ADGRA2: variants seen among roughly 807,000 people sequenced by gnomAD.
ADGRA2 encodes the protein adhesion G protein-coupled receptor A2.
ADGRA2 carries 61 observed loss-of-function variants against 98.7 expected under a neutral mutation model. That is an observed-to-expected ratio of 0.62 (90% CI 0.50 to 0.76). The LOEUF (loss-of-function observed/expected upper bound fraction) is 0.76, where lower values mean the gene tolerates loss of function less well. Ranked by LOEUF, ADGRA2 falls within the 30% of genes least tolerant of loss-of-function variation. The pLI, the probability that ADGRA2 is intolerant of heterozygous loss-of-function variation, is 0.00. For missense variants in ADGRA2, 1,712 were observed against 1,860.0 expected, an observed-to-expected ratio of 0.92 and a Z score of 1.46; for synonymous variants, 858 against 831.5, an observed-to-expected ratio of 1.03 and a Z score of -0.55.
chr8:37,830,653 C>G lies in ADGRA2; in HGVS notation c.719-57C>G. 1 of 703,942 alleles carries G rather than the reference C, an allele frequency of 1.4e-6. No individual in the cohort carries two copies. 43.6% of individuals were successfully genotyped at this position (703,942 alleles called of 1,614,324 possible). A position where few individuals can be genotyped will look rare whatever the true frequency, so the allele number is the denominator to read the frequency against. On this transcript the variant is annotated intron_variant, in intron 6 of 18. Transcript: ENST00000412232. The surrounding 1 kb of genome is among the most constrained non-coding windows in gnomAD (Gnocchi z 4.8). ...CCATCCTGCTGGACTCTCGCTCACA[C>G]GTGCAGCCTCACATGCGTGTGCACT...
chr8:37,806,957 G>A (rs1360694169), intron 1 of ADGRA2, among the ~76,000 whole-genome samples: 1 of 152,200 alleles, frequency 6.6e-6, no homozygotes, highest in African/African-American at 2.4e-5. Flanking sequence ...TGTAGAGAGG[G>A]TAGGTTAGAG....
chr8:37,814,201 G>A lies in ADGRA2; in HGVS notation c.267-695G>A, dbSNP rs183570434. 1.6e-3 allele frequency among the ~76,000 whole-genome samples: 244 copies of A among 152,296 alleles called. 1 individual carries two copies. The highest frequency in any genetic ancestry group is 5.6e-3 in the African/African-American group (234 of 41,556). On this transcript the variant is annotated intron_variant, in intron 1 of 18. Coordinates refer to ENST00000412232, the MANE Select transcript of ADGRA2 (RefSeq NM_032777.10). This position sits in a 1 kb window ranked among gnomAD's most constrained non-coding sequence, Gnocchi z 4.3. ...GACACTCGGTCTCTCTCAGTCACTTGGGGCCCCTTTCCTCCTCCCCTAAAT... is the reference window on the plus strand; with the variant it reads ...GACACTCGGTCTCTCTCAGTCACTTAGGGCCCCTTTCCTCCTCCCCTAAAT...
intron 2 of ADGRA2, among the ~76,000 whole-genome samples, chr8:37,823,719 C>A (rs897343201): frequency 6.6e-6 from 1 of 152,208 alleles, no homozygotes; most frequent in Non-Finnish European, 1.5e-5. Context: ...TCGTCATCAA[C>A]ACTTGCTGGA....
chr8:37,837,999 G>T, intron 14 of ADGRA2, 60 bp downstream of exon 14: 1 of 1,318,614 alleles, frequency 7.6e-7, no homozygotes. Flanking sequence ...GTGGAAAATG[G>T]GGGTGGGTGT....
Position 37,842,281 on chromosome 8 carries a change from AC to A in ADGRA2, c.3946del (p.Leu1316Ter), listed in dbSNP as rs1191762084. The stretch of plus-strand genomic sequence containing the variant: ...CAAGGGGGGCAAGTACGACGACGTC[AC>A]CCTGATGGGCGCGGAGGTAGCCAGC... ...APKGGKYDDVTLMGAEVASGG... is the reference protein window; with the variant it reads ...APKGGKYDDVXLMGAEVASGG... On this transcript the variant is annotated frameshift_variant, in exon 19 of 19. Coordinates refer to ENST00000412232, the MANE Select transcript of ADGRA2 (RefSeq NM_032777.10). LOFTEE classifies it high-confidence loss of function. 1 of 1,579,900 alleles carries A rather than the reference AC, an allele frequency of 6.3e-7. No individual in the cohort carries two copies. Among genetic ancestry groups the A allele is most frequent in the Admixed American group, 1.9e-5 (1 of 53,248 alleles).
intron 2 of ADGRA2, among the ~76,000 whole-genome samples, chr8:37,825,957 G>T (rs939475880): frequency 1.3e-5 from 2 of 152,146 alleles, no homozygotes; most frequent in Non-Finnish European, 2.9e-5. Context: ...CGTGGAGGTG[G>T]AGGTGCCCTC....
At position 37,814,008 on chromosome 8, in the gene ADGRA2, G is replaced by C. The variant is rs1408818653; in HGVS notation, c.267-888G>C. 6.6e-6 allele frequency among the ~76,000 whole-genome samples: 1 copy of C among 152,242 alleles called. No individual in the cohort carries two copies. The highest frequency in any genetic ancestry group is 1.5e-5 in the Non-Finnish European group (1 of 68,038). ...GTTCTCTACCCTTGAGACCAAAGAA[G>C]GGAGACCCTTTGCCTCAGCCCAGGG... On this transcript the variant is annotated intron_variant, in intron 1 of 18. Transcript: ENST00000412232. The surrounding 1 kb of genome is among the most constrained non-coding windows in gnomAD (Gnocchi z 4.3).
chr8:37,823,236 A>AGGCTAGAG (rs1426419621), intron 2 of ADGRA2, among the ~76,000 whole-genome samples: 1 of 138,468 alleles, frequency 7.2e-6, no homozygotes, highest in African/African-American at 2.7e-5. Flanking sequence ...CTCTGGCGCC[A>AGGCTAGAG]GGCTAGAGTG....
At chr8:37,812,349 T>A (rs62490686) in intron 1 of ADGRA2, among the ~76,000 whole-genome samples, 4 of 152,046 alleles carry the variant, frequency 2.6e-5, no homozygotes, top group Non-Finnish European at 5.9e-5. Context: ...GATTTGTGGC[T>A]GGGCGCGGTG....
chr8:37,840,979 G>A (rs951413836), intron 18 of ADGRA2, 107 bp from the exon 19 acceptor site: 13 of 1,267,748 alleles, frequency 1.0e-5, no homozygotes, highest in East Asian at 2.4e-5. Flanking sequence ...TGACCAAGCC[G>A]TCCTTGTCTC....
chr8:37,798,341 C>G (rs552038657), intron 1 of ADGRA2, among the ~76,000 whole-genome samples: 3 of 152,356 alleles, frequency 2.0e-5, no homozygotes, highest in Non-Finnish European at 4.4e-5. Flanking sequence ...CTCACCGCAG[C>G]CCACCCGGGC....
At chr8:37,805,893 AC>A (rs1585966474) in intron 1 of ADGRA2, among the ~76,000 whole-genome samples, 13 of 151,856 alleles carry the variant, frequency 8.6e-5, no homozygotes, top group Middle Eastern at 3.4e-3. Flanking sequence ...AAACAAACAA[AC>A]AAACACTTTT....
At chr8:37,825,280 G>A (rs958848521) in intron 2 of ADGRA2, among the ~76,000 whole-genome samples, 2 of 151,822 alleles carry the variant, frequency 1.3e-5, no homozygotes, top group East Asian at 1.9e-4. Context: ...TCACTCTGTC[G>A]TCCAGGCTGG....
chr8:37,816,044 A>T (rs1445594048), intron 2 of ADGRA2, among the ~76,000 whole-genome samples: 2 of 152,226 alleles, frequency 1.3e-5, no homozygotes, highest in African/African-American at 4.8e-5. Context: ...TGGGAGACAC[A>T]AAAGAATAAG....
At position 37,844,762 on chromosome 8, in the gene ADGRA2, C is replaced by T. The variant is rs761261666; in HGVS notation, c.*2407C>T. The T allele has an allele frequency of 2.0e-5, 33 of 1,613,908 alleles. No individual in the cohort carries two copies. The Admixed American group carries it at 3.7e-4, about 18-fold the overall frequency. On this transcript the variant is annotated 3_prime_UTR_variant, in exon 19 of 19. Coordinates refer to ENST00000412232, the MANE Select transcript of ADGRA2 (RefSeq NM_032777.10). ...ACCTCCCCTTCTCCTTGCCCCTGTCCCCACCCCGGTGGCTCCTTCTCTCGG... is the reference window on the plus strand; with the variant it reads ...ACCTCCCCTTCTCCTTGCCCCTGTCTCCACCCCGGTGGCTCCTTCTCTCGG...
Position 37,834,176 on chromosome 8 carries a change from G to A in ADGRA2, c.1608+48G>A, listed in dbSNP as rs1363348404. The A allele has an allele frequency of 1.3e-6, 2 of 1,533,934 alleles. No individual in the cohort carries two copies. Among genetic ancestry groups the A allele is most frequent in the Non-Finnish European group, 1.8e-6 (2 of 1,127,956 alleles). ...GTGGCCCTGGCATGCAGAGGAGGGA[G>A]GCGCTCCCTCTCAGGCGTGCACCTG... On this transcript the variant is annotated intron_variant, in intron 11 of 18. Transcript: ENST00000412232. The surrounding 1 kb of genome is among the most constrained non-coding windows in gnomAD (Gnocchi z 4.2).
rs200775492 is a variant in ADGRA2, at chr8:37,812,150, A to ATGG, written c.267-2743_267-2741dup. Among the ~76,000 whole-genome samples, 629 of 134,632 alleles carry ATGG rather than the reference A, an allele frequency of 4.7e-3. 1 individual carries two copies. Among genetic ancestry groups the ATGG allele is most frequent in the East Asian group, 0.014 (65 of 4,598 alleles). 88.3% of individuals were successfully genotyped at this position (134,632 alleles called of 152,430 possible). A position where few individuals can be genotyped will look rare whatever the true frequency, so the allele number is the denominator to read the frequency against. Reference sequence around the variant, plus strand: ...AAATTTAAAATGACATGCACTTGCAATGGTGTTGTTGTTGTTGTTGTTGTT... The same window carrying ATGG: ...AAATTTAAAATGACATGCACTTGCAATGGTGGTGTTGTTGTTGTTGTTGTTGTT... On this transcript the variant is annotated intron_variant, in intron 1 of 18. Coordinates refer to ENST00000412232, the MANE Select transcript of ADGRA2 (RefSeq NM_032777.10).
At position 37,829,053 on chromosome 8, in the gene ADGRA2, C is replaced by A. The variant is rs1805374548; in HGVS notation, c.410+94C>A. The A allele has an allele frequency of 3.4e-6, 3 of 895,042 alleles. No individual in the cohort carries two copies. In the East Asian group the frequency reaches 8.0e-5, roughly 24 times the overall value. 55.4% of individuals were successfully genotyped at this position (895,042 alleles called of 1,614,324 possible). A position where few individuals can be genotyped will look rare whatever the true frequency, so the allele number is the denominator to read the frequency against. Reference sequence around the variant, plus strand: ...ATGCCCACCCCCTTCCTCTCACCCCCCCACACCTGCCCCTCCTTTCCGCTT... The same window carrying A: ...ATGCCCACCCCCTTCCTCTCACCCCACCACACCTGCCCCTCCTTTCCGCTT... On this transcript the variant is annotated intron_variant, in intron 3 of 18. Transcript: ENST00000412232.
rs754799749 is a variant in ADGRA2, at chr8:37,839,020, C to T, written c.2324C>T (p.Pro775Leu). 6.2e-7 allele frequency: 1 copy of T among 1,605,518 alleles called. No individual in the cohort carries two copies. The highest frequency in any genetic ancestry group is 8.5e-7 in the Non-Finnish European group (1 of 1,175,590). ...GCAGGGCTGCACCCCGTGGTATACC[C>T]CTGCACGGCCTTGCTGCTGCTCTGC... ...AGAGLHPVVY[P>L]CTALLLLCLF... is the part of the protein sequence containing the mutation. The change falls in exon 15 of 19, where the codon CCC becomes CTC. Residue 775 changes from proline to leucine, a missense_variant. By Grantham distance (98) the Pro-to-Leu change is moderately conservative (BLOSUM62 -3). Transcript: ENST00000412232.
Sources: allele counts gnomAD v4.1 joint callset (sites outside exome capture counted in the v4.1 genomes callset), GRCh38; gene constraint gnomAD v4.1.1; non-coding constraint Gnocchi (gnomAD v3.1); transcripts MANE v1.5; gene names NCBI Gene and HGNC (gene_info 2026-07-23, HGNC 2026-07-21).